Variants in NHLH1 observed in about 807,000 individuals in gnomAD.
NHLH1 encodes the protein nescient helix-loop-helix 1.
Under a neutral mutation model 6.7 loss-of-function variants are expected in NHLH1, and 3 were observed. The ratio of observed to expected loss-of-function variants is 0.44; its 90% CI spans 0.20 to 1.15. The LOEUF is 1.15. Among genes scored for constraint, NHLH1 ranks in the 50% most tolerant of loss-of-function variants. NHLH1 has a pLI of 0.26. For missense variants in NHLH1, 177 were observed against 189.5 expected (o/e 0.93, Z 0.39); for synonymous variants, 92 against 84.2 (o/e 1.09, Z -0.51).
chr1:160,369,690 A>G (rs1649580709), intron 1 of NHLH1, among the ~76,000 whole-genome samples: 1 of 152,110 alleles, frequency 6.6e-6, no homozygotes. Flanking sequence ...ATGATTAGTG[A>G]TGTTGAACAT....
In NHLH1 at chr1:160,371,426, C is replaced by G; in HGVS notation, c.*293C>G. 1 of 338,096 alleles carries G rather than the reference C, an allele frequency of 3.0e-6. No homozygotes were observed. Among genetic ancestry groups the G allele is most frequent in the Non-Finnish European group, 5.6e-6 (1 of 177,468 alleles). 20.9% of individuals were successfully genotyped at this position (338,096 alleles called of 1,614,324 possible). On this transcript the variant is annotated 3_prime_UTR_variant, in exon 2 of 2. Coordinates refer to ENST00000302101, the MANE Select transcript of NHLH1 (RefSeq NM_005598.4). Reference sequence around the variant, plus strand: ...ATCCTTGCTGGCTTTACTAAGCCAGCCACACTTGGAGTCTGCCCCCAAGCT... The same window carrying G: ...ATCCTTGCTGGCTTTACTAAGCCAGGCACACTTGGAGTCTGCCCCCAAGCT...
Position 160,367,258 on chromosome 1 carries a change from T to A in NHLH1, c.-255T>A, listed in dbSNP as rs1649506699. Reference sequence around the variant, plus strand: ...CACTAACTTTGCAGACGGATGAGCCTTGAGCACCCAGAGGAGACTGGGGCT... The same window carrying A: ...CACTAACTTTGCAGACGGATGAGCCATGAGCACCCAGAGGAGACTGGGGCT... On this transcript the variant is annotated 5_prime_UTR_variant, in exon 1 of 2. It adds an upstream start codon to the 5' untranslated region. Coordinates refer to ENST00000302101, the MANE Select transcript of NHLH1 (RefSeq NM_005598.4). The A allele has an allele frequency of 6.6e-6, 1 of 152,494 alleles. No individual in the cohort carries two copies. Among genetic ancestry groups the A allele is most frequent in the Non-Finnish European group, 1.5e-5 (1 of 68,278 alleles). The allele number at this position is 152,494 out of a possible 1,614,324, so 9.4% of individuals were successfully genotyped here.
chr1:160,370,346 C>A (rs115454199), intron 1 of NHLH1, among the ~76,000 whole-genome samples: 5,481 of 151,926 alleles, frequency 0.036, 113 homozygotes, highest in Middle Eastern at 0.054. Context: ...CTTCTTACTA[C>A]CTTTCGTCCT....
At chr1:160,368,343 G>A (rs911645414) in intron 1 of NHLH1, among the ~76,000 whole-genome samples, 13 of 152,164 alleles carry the variant, frequency 8.5e-5, no homozygotes, top group Non-Finnish European at 1.3e-4. Context: ...GTGCTGCCTT[G>A]CCCTGATCTC....
chr1:160,370,773 C>G lies in NHLH1; in HGVS notation c.42C>G (p.Pro14=), dbSNP rs1031136925. Residue 14 remains proline (P), a synonymous_variant, in exon 2 of 2, where the codon CCC becomes CCG. Transcript: ENST00000302101. The part of the protein sequence containing the change: ...NSDTMELDLP[P]THSETESGFS... Reference sequence around the variant, plus strand: ...ACACCATGGAGCTGGACCTGCCGCCCACCCACTCAGAGACTGAGTCGGGCT... The same window carrying G: ...ACACCATGGAGCTGGACCTGCCGCCGACCCACTCAGAGACTGAGTCGGGCT... 4.3e-6 allele frequency: 7 copies of G among 1,612,886 alleles called. No individual in the cohort carries two copies. The African/African-American group carries it at 8.0e-5, about 18-fold the overall frequency.
At position 160,370,668 on chromosome 1, in the gene NHLH1, T is replaced by C; in HGVS notation, c.-64T>C. 1 of 1,550,692 alleles carries C rather than the reference T, an allele frequency of 6.4e-7. No individual in the cohort carries two copies. The highest frequency in any genetic ancestry group is 8.8e-7 in the Non-Finnish European group (1 of 1,137,940). On this transcript the variant is annotated 5_prime_UTR_variant, in exon 2 of 2. Coordinates refer to ENST00000302101, the MANE Select transcript of NHLH1 (RefSeq NM_005598.4). ...CTTCCTCCCCCTCCCACCACCAGCT[T>C]TCAAGCTCCCAGAGGGAGGGGTGGG...
At chr1:160,369,650 T>C (rs900597513) in intron 1 of NHLH1, among the ~76,000 whole-genome samples, 2 of 152,232 alleles carry the variant, frequency 1.3e-5, no homozygotes, top group Admixed American at 1.3e-4. Context: ...TATGAAGTGA[T>C]ATTTCATAGT....
At position 160,370,820 on chromosome 1, in the gene NHLH1, C is replaced by G. The variant is rs768306094; in HGVS notation, c.89C>G (p.Ala30Gly). ...GGCTTCAGTGACTGTGGGGGCGGGG[C>G]GGGCCCTGATGGTGCCGGGCCTGGG... is the stretch of plus-strand genomic sequence containing the variant. ...ESGFSDCGGG[A>G]GPDGAGPGGP... Residue 30 changes from alanine (A) to glycine (G), a missense_variant, in exon 2 of 2, where the codon GCG (alanine) becomes GGG (glycine). By Grantham distance (60) the Ala-to-Gly change is moderately conservative. Coordinates refer to ENST00000302101, the MANE Select transcript of NHLH1 (RefSeq NM_005598.4). 1.2e-6 allele frequency: 2 copies of G among 1,609,454 alleles called. No individual in the cohort carries two copies. Among genetic ancestry groups the G allele is most frequent in the South Asian group, 2.2e-5 (2 of 90,730 alleles).
At position 160,367,195 on chromosome 1, in the gene NHLH1, G is replaced by A; in HGVS notation, c.-318G>A. On this transcript the variant is annotated 5_prime_UTR_variant, in exon 1 of 2. Transcript: ENST00000302101. ...TCTTATCTGCCCTGGAGCCTGTACA[G>A]CCATGCCACGCTACCCCTGAGAGTC... is the stretch of plus-strand genomic sequence containing the variant. The A allele has an allele frequency of 6.5e-6, 1 of 152,696 alleles. No individual in the cohort carries two copies. Among genetic ancestry groups the A allele is most frequent in the Non-Finnish European group, 1.5e-5 (1 of 68,324 alleles). The allele number at this position is 152,696 out of a possible 1,614,324, so 9.5% of individuals were successfully genotyped here. A position where few individuals can be genotyped will look rare whatever the true frequency, so the allele number is the denominator to read the frequency against.
At position 160,370,964 on chromosome 1, in the gene NHLH1, C is replaced by A. The variant is rs148409099; in HGVS notation, c.233C>A (p.Thr78Lys). Residue 78 changes from threonine (T) to lysine (K), a missense_variant, in exon 2 of 2, where the codon ACG becomes AAG. Thr to Lys is a moderately conservative substitution (Grantham distance 78). Transcript: ENST00000302101. The stretch of plus-strand genomic sequence containing the variant: ...CGCCGCGCCACAGCCAAGTACCGCA[C>A]GGCCCACGCCACGCGAGAACGCATC... The part of the protein sequence containing the change: ...RRRRATAKYR[T>K]AHATRERIRV... 1.2e-6 allele frequency: 2 copies of A among 1,612,272 alleles called. No individual in the cohort carries two copies. Among genetic ancestry groups the A allele is most frequent in the Non-Finnish European group, 1.7e-6 (2 of 1,179,144 alleles).
At position 160,367,190 on chromosome 1, in the gene NHLH1, G is replaced by A; in HGVS notation, c.-323G>A. 1 of 152,694 alleles carries A rather than the reference G, an allele frequency of 6.5e-6. No homozygotes were observed. The allele number at this position is 152,694 out of a possible 1,614,324, so 9.5% of individuals were successfully genotyped here. A position where few individuals can be genotyped will look rare whatever the true frequency, so the allele number is the denominator to read the frequency against. On this transcript the variant is annotated 5_prime_UTR_variant, in exon 1 of 2. Coordinates refer to ENST00000302101, the MANE Select transcript of NHLH1 (RefSeq NM_005598.4). The stretch of plus-strand genomic sequence containing the variant: ...ACCCCTCTTATCTGCCCTGGAGCCT[G>A]TACAGCCATGCCACGCTACCCCTGA...
At chr1:160,368,683 T>C (rs1238293921) in intron 1 of NHLH1, among the ~76,000 whole-genome samples, 2 of 152,120 alleles carry the variant, frequency 1.3e-5, no homozygotes, top group African/African-American at 4.8e-5. Flanking sequence ...TTTGGGGAAC[T>C]GGGAGGGGAG....
At position 160,372,586 on chromosome 1, in the gene NHLH1, C is replaced by G. The variant is rs1300379482; in HGVS notation, c.*1453C>G. 3 of 167,066 alleles carry G rather than the reference C, an allele frequency of 1.8e-5. No individual in the cohort carries two copies. The highest frequency in any genetic ancestry group is 1.3e-4 in the Admixed American group (2 of 15,268). 10.3% of individuals were successfully genotyped at this position (167,066 alleles called of 1,614,324 possible). ...CCCCAGATCCACCTGTCCTGACACT[C>G]TAGTCCTCCAGGATAGTGCTCCTCC... On this transcript the variant is annotated 3_prime_UTR_variant, in exon 2 of 2. Transcript: ENST00000302101.
rs10908778 is a variant in NHLH1, at chr1:160,371,352, T to C, written c.*219T>C. The C allele has an allele frequency of 0.17, 111,150 of 644,508 alleles. 10,847 individuals carry two copies. Among genetic ancestry groups the C allele is most frequent in the South Asian group, 0.31 (11,646 of 36,998 alleles). The allele number at this position is 644,508 out of a possible 1,614,324, so 39.9% of individuals were successfully genotyped here. Reference sequence around the variant, plus strand: ...CTCCTGGGTTCCTTCCGGGGTTTATTGCTGAGGCCCAGCTGTGCAGAATTG... The same window carrying C: ...CTCCTGGGTTCCTTCCGGGGTTTATCGCTGAGGCCCAGCTGTGCAGAATTG... On this transcript the variant is annotated 3_prime_UTR_variant, in exon 2 of 2. Coordinates refer to ENST00000302101, the MANE Select transcript of NHLH1 (RefSeq NM_005598.4).
At position 160,371,890 on chromosome 1, in the gene NHLH1, GAAAAA is replaced by G. The variant is rs112378041; in HGVS notation, c.*764_*768del. 1 of 149,648 alleles carries G rather than the reference GAAAAA, an allele frequency of 6.7e-6. No individual in the cohort carries two copies. Among genetic ancestry groups the G allele is most frequent in the African/African-American group, 2.6e-5 (1 of 38,702 alleles). The allele number at this position is 149,648 out of a possible 1,614,324, so 9.3% of individuals were successfully genotyped here. Reference sequence around the variant, plus strand: ...TTCTCCCTCCCTGTGTGTCACTAGAGAAAAAAAAAAACAAAAACCTAGATTCCGGA... The same window carrying G: ...TTCTCCCTCCCTGTGTGTCACTAGAGAAAAAACAAAAACCTAGATTCCGGA... On this transcript the variant is annotated 3_prime_UTR_variant, in exon 2 of 2. Coordinates refer to ENST00000302101, the MANE Select transcript of NHLH1 (RefSeq NM_005598.4).
Position 160,370,787 on chromosome 1 carries a change from C to A in NHLH1, c.56C>A (p.Thr19Asn). 1 of 1,612,842 alleles carries A rather than the reference C, an allele frequency of 6.2e-7. No homozygotes were observed. The highest frequency in any genetic ancestry group is 8.5e-7 in the Non-Finnish European group (1 of 1,179,782). Reference protein sequence around the residue: ...ELDLPPTHSETESGFSDCGGG... With the variant: ...ELDLPPTHSENESGFSDCGGG... ...GACCTGCCGCCCACCCACTCAGAGA[C>A]TGAGTCGGGCTTCAGTGACTGTGGG... The change falls in exon 2 of 2, where the codon ACT becomes AAT. Residue 19 changes from threonine (T) to asparagine (N), a missense_variant. By Grantham distance (65) the Thr-to-Asn change is moderately conservative. Transcript: ENST00000302101.
Position 160,370,834 on chromosome 1 carries a change from GC to G in NHLH1, c.105del (p.Pro37LeufsTer25). 1.9e-6 allele frequency: 3 copies of G among 1,608,416 alleles called. No individual in the cohort carries two copies. The highest frequency in any genetic ancestry group is 2.5e-6 in the Non-Finnish European group (3 of 1,178,176). ...TGGGGGCGGGGCGGGCCCTGATGGT[GC>G]CGGGCCTGGGGGTCCGGGAGGGGGC... ...DCGGGAGPDG[A>X]GPGGPGGGQA... On this transcript the variant is annotated frameshift_variant, in exon 2 of 2. Coordinates refer to ENST00000302101, the MANE Select transcript of NHLH1 (RefSeq NM_005598.4). LOFTEE classifies it high-confidence loss of function.
In NHLH1 at chr1:160,370,836, C is replaced by T. The variant is rs370651326; in HGVS notation, c.105C>T (p.Ala35=). The T allele has an allele frequency of 6.9e-6, 11 of 1,604,742 alleles. No homozygotes were observed. The highest frequency in any genetic ancestry group is 2.3e-5 in the East Asian group (1 of 44,328). Residue 35 remains alanine, a synonymous_variant, in exon 2 of 2, where the codon GCC becomes GCT. Transcript: ENST00000302101. ...GGGGCGGGGCGGGCCCTGATGGTGC[C>T]GGGCCTGGGGGTCCGGGAGGGGGCC... is the stretch of plus-strand genomic sequence containing the variant. ...DCGGGAGPDG[A]GPGGPGGGQA... is the part of the protein sequence containing the mutation.
Position 160,370,637 on chromosome 1 carries a change from C to T in NHLH1, c.-95C>T, listed in dbSNP as rs1649601356. On this transcript the variant is annotated 5_prime_UTR_variant, in exon 2 of 2. Transcript: ENST00000302101. ...TCAGTGGCAGACCCCACGACCCTTCCTCCCCCTTCCTCCCCCTCCCACCAC... is the reference window on the plus strand; with the variant it reads ...TCAGTGGCAGACCCCACGACCCTTCTTCCCCCTTCCTCCCCCTCCCACCAC... The T allele has an allele frequency of 8.5e-6, 11 of 1,295,302 alleles. No individual in the cohort carries two copies. Among genetic ancestry groups the T allele is most frequent in the Non-Finnish European group, 1.2e-5 (11 of 926,604 alleles). 80.2% of individuals were successfully genotyped at this position (1,295,302 alleles called of 1,614,324 possible).
Sources: allele counts gnomAD v4.1 joint callset (sites outside exome capture counted in the v4.1 genomes callset), GRCh38; gene constraint gnomAD v4.1.1; transcripts MANE v1.5; gene names NCBI Gene and HGNC (gene_info 2026-07-23, HGNC 2026-07-21).